PRKD1: variants seen among roughly 807,000 people sequenced by gnomAD.
PRKD1 encodes serine/threonine-protein kinase D1.
Under a neutral mutation model 95.9 loss-of-function variants are expected in PRKD1, and 63 were observed. The ratio of observed to expected loss-of-function variants is 0.66; its 90% CI spans 0.54 to 0.81. The LOEUF (loss-of-function observed/expected upper bound fraction) is 0.81, where lower values mean the gene tolerates loss of function less well. PRKD1 is among the 30% of genes least tolerant of loss of function. The probability of loss-of-function intolerance (pLI) is 0.00; values close to 1 mark genes in which losing one functional copy is unlikely to be tolerated. For synonymous variants in PRKD1, 425 were observed against 423.1 expected (o/e 1.00, Z -0.05); for missense variants, 1,048 against 1,165.3 (o/e 0.90, Z 1.47).
chr14:29,601,578 G>A (rs1160788906), intron 13 of PRKD1, among the ~76,000 whole-genome samples: 2 of 152,222 alleles, frequency 1.3e-5, no homozygotes, highest in Non-Finnish European at 2.9e-5. Flanking sequence ...GGTCAGAGCT[G>A]AAGCACATGG....
intron 1 of PRKD1, among the ~76,000 whole-genome samples, chr14:29,791,493 C>T (rs1389795560): frequency 3.4e-4 from 52 of 152,078 alleles, no homozygotes; most frequent in Admixed American, 3.3e-3. Flanking sequence ...GTTTCCTACC[C>T]GTCAATTCCA....
intron 1 of PRKD1, among the ~76,000 whole-genome samples, chr14:29,755,221 T>G (rs530858104): frequency 6.6e-6 from 1 of 152,278 alleles, no homozygotes; most frequent in African/African-American, 2.4e-5. Flanking sequence ...TGCAAATAAT[T>G]AGAGGCTTAT....
intron 13 of PRKD1, among the ~76,000 whole-genome samples, chr14:29,601,624 C>G (rs1250089922): frequency 1.3e-5 from 2 of 152,112 alleles, no homozygotes; most frequent in Admixed American, 6.6e-5. Flanking sequence ...TATTATCAAC[C>G]CTCTTACTTT....
intron 9 of PRKD1, among the ~76,000 whole-genome samples, chr14:29,631,500 C>CTT (rs370333345): frequency 0.033 from 4,597 of 140,260 alleles, 248 homozygotes; most frequent in African/African-American, 0.11. Flanking sequence ...TTAAAATGGT[C>CTT]TTTTTTTTTT....
chr14:29,751,887 G>A (rs192843694), intron 1 of PRKD1, among the ~76,000 whole-genome samples: 173 of 152,286 alleles, frequency 1.1e-3, no homozygotes, highest in African/African-American at 4.1e-3. Context: ...ACACTACTAC[G>A]TAAACAGCAC....
intron 13 of PRKD1, among the ~76,000 whole-genome samples, chr14:29,610,950 C>T (rs543860715): frequency 6.6e-6 from 1 of 152,224 alleles, no homozygotes; most frequent in Non-Finnish European, 1.5e-5. Context: ...CTGGAAAAGA[C>T]AAAAAGAGAA....
At chr14:29,817,449 G>A (rs533236176) in intron 1 of PRKD1, among the ~76,000 whole-genome samples, 1 of 152,052 alleles carries the variant, frequency 6.6e-6, no homozygotes, top group African/African-American at 2.4e-5. Flanking sequence ...ATACCACAAG[G>A]GAAAAATGAA....
intron 2 of PRKD1, among the ~76,000 whole-genome samples, chr14:29,675,143 C>G (rs1304116381): frequency 6.6e-6 from 1 of 152,144 alleles, no homozygotes; most frequent in African/African-American, 2.4e-5. Flanking sequence ...AGAGACTCCC[C>G]CTATTCTTCA....
At chr14:29,850,560 T>C (rs2139337126) in intron 1 of PRKD1, among the ~76,000 whole-genome samples, 1 of 151,612 alleles carries the variant, frequency 6.6e-6, no homozygotes, top group Non-Finnish European at 1.5e-5. Context: ...CTACAAAACA[T>C]TGCTGAAAGA....
At chr14:29,696,154 A>G (rs1019148217) in intron 2 of PRKD1, among the ~76,000 whole-genome samples, 4 of 152,220 alleles carry the variant, frequency 2.6e-5, no homozygotes, top group Admixed American at 6.5e-5. Context: ...AGTAAGTTAA[A>G]AAACAAAACA....
At chr14:29,743,575 A>G (rs1234646788) in intron 1 of PRKD1, among the ~76,000 whole-genome samples, 1 of 152,184 alleles carries the variant, frequency 6.6e-6, no homozygotes, top group African/African-American at 2.4e-5. Flanking sequence ...CAAAACTTCA[A>G]ACACAACAAT....
At position 29,767,590 on chromosome 14, in the gene PRKD1, G is replaced by C. The variant is rs1167787961; in HGVS notation, c.265-41916C>G. The stretch of plus-strand genomic sequence containing the variant: ...GACATGGTTTTAGGATCCATCACTG[G>C]ATTCATTCCTCATTCCATTTTAGCC... On this transcript the variant is annotated intron_variant, in intron 1 of 17. Coordinates refer to ENST00000331968, the MANE Select transcript of PRKD1 (RefSeq NM_002742.3). Among the ~76,000 whole-genome samples the C allele has an allele frequency of 5.3e-5, 8 of 152,182 alleles. 2 individuals carry two copies. The highest frequency in any genetic ancestry group is 5.2e-4 in the Admixed American group (8 of 15,278).
At chr14:29,851,174 T>C (rs1892293976) in intron 1 of PRKD1, among the ~76,000 whole-genome samples, 1 of 152,112 alleles carries the variant, frequency 6.6e-6, no homozygotes, top group South Asian at 2.1e-4. Flanking sequence ...GGGCAAAGAA[T>C]TTATGGCTAA....
intron 2 of PRKD1, among the ~76,000 whole-genome samples, chr14:29,710,782 T>A (rs907957159): frequency 6.6e-6 from 1 of 151,846 alleles, no homozygotes; most frequent in Non-Finnish European, 1.5e-5. Flanking sequence ...AAACTGTGTA[T>A]ATTTTGCTAC....
At chr14:29,916,950 A>G (rs1464859101) in intron 1 of PRKD1, among the ~76,000 whole-genome samples, 6 of 152,062 alleles carry the variant, frequency 3.9e-5, no homozygotes, top group Non-Finnish European at 8.8e-5. Context: ...GGACATAGCC[A>G]CTTTTTGTAA....
At chr14:29,902,064 G>A (rs1894338626) in intron 1 of PRKD1, among the ~76,000 whole-genome samples, 2 of 152,122 alleles carry the variant, frequency 1.3e-5, no homozygotes. Context: ...AGGGCTCTAA[G>A]CATGTCTTGG....
At chr14:29,653,546 T>C (rs1881643864) in intron 4 of PRKD1, among the ~76,000 whole-genome samples, 1 of 152,176 alleles carries the variant, frequency 6.6e-6, no homozygotes, top group Admixed American at 6.5e-5. Context: ...AAATTCTGCT[T>C]CATTTTCCAC....
chr14:29,726,776 G>C (rs1351311612), intron 1 of PRKD1, among the ~76,000 whole-genome samples: 1 of 149,940 alleles, frequency 6.7e-6, no homozygotes, highest in South Asian at 2.1e-4. Flanking sequence ...ACTTAGTAAA[G>C]TTAACTTCCT....
chr14:29,665,348 C>T (rs1194228467), intron 3 of PRKD1, among the ~76,000 whole-genome samples: 1 of 152,068 alleles, frequency 6.6e-6, no homozygotes, highest in Admixed American at 6.6e-5. Context: ...GTTCATTGTA[C>T]ACAATAGGTA....
Sources: gnomAD v4.1 joint callset for allele counts (sites outside exome capture counted in the v4.1 genomes callset) on GRCh38, gnomAD v4.1.1 for gene constraint, MANE v1.5 for transcripts, NCBI Gene and HGNC (gene_info 2026-07-23, HGNC 2026-07-21) for gene names.